Variants in SMYD1 observed in about 807,000 individuals in gnomAD.
The protein encoded by SMYD1 is histone-lysine N-methyltransferase SMYD1.
Under a neutral mutation model 54.0 loss-of-function variants are expected in SMYD1, and 49 were observed. The observed-to-expected ratio is 0.91, with a 90% confidence interval of 0.72 to 1.15. The LOEUF (loss-of-function observed/expected upper bound fraction) is 1.15, where lower values mean the gene tolerates loss of function less well. Among genes scored for constraint, SMYD1 ranks in the 50% most tolerant of loss-of-function variants. SMYD1 has a pLI of 0.00. For synonymous variants in SMYD1, 269 were observed against 234.2 expected (o/e 1.15, Z -1.36); for missense variants, 653 against 639.6 (o/e 1.02, Z -0.23).
chr2:88,088,134 T>G (rs758428376), intron 3 of SMYD1, 59 bp downstream of exon 3: 8 of 1,499,618 alleles, frequency 5.3e-6, no homozygotes, highest in Non-Finnish European at 7.2e-6. Context: ...CCTTCCCTCC[T>G]CCCACTTGGG....
chr2:88,082,637 C>T (rs555962077), intron 1 of SMYD1: 1 of 154,524 alleles, frequency 6.5e-6, no homozygotes, highest in East Asian at 1.9e-4. Flanking sequence ...AACCCAACCT[C>T]CTTCGGCTAC....
Position 88,111,758 on chromosome 2 carries a change from G to T in SMYD1, c.*1246G>T. The T allele has an allele frequency of 3.7e-6, 1 of 271,202 alleles. No individual in the cohort carries two copies. The highest frequency in any genetic ancestry group is 7.1e-6 in the Non-Finnish European group (1 of 140,990). The allele number at this position is 271,202 out of a possible 1,614,324, so 16.8% of individuals were successfully genotyped here. On this transcript the variant is annotated 3_prime_UTR_variant, in exon 10 of 10. Transcript: ENST00000419482. ...TGAGAATCAACCAGTCCCAAGATTA[G>T]CCTGTTATCCTGTTATCTACTGAGA...
intron 1 of SMYD1, among the ~76,000 whole-genome samples, chr2:88,077,011 C>CAAAAAAA (rs112988082): frequency 8.5e-6 from 1 of 117,210 alleles, no homozygotes; most frequent in Non-Finnish European, 1.8e-5. Context: ...GACCCTGTCT[C>CAAAAAAA]AAAAAAAAAA....
chr2:88,091,266 G>A, intron 4 of SMYD1, 124 bp downstream of exon 4: 1 of 1,024,186 alleles, frequency 9.8e-7, no homozygotes, highest in Non-Finnish European at 1.4e-6. Context: ...TAAATGTATA[G>A]CACATAGAAA....
intron 1 of SMYD1, among the ~76,000 whole-genome samples, chr2:88,069,079 A>G (rs988731): frequency 0.75 from 113,520 of 152,088 alleles, 45,519 homozygotes; most frequent in East Asian, 0.99. Context: ...GCCACACTAG[A>G]CTACCAAGCT....
intron 7 of SMYD1, 53 bp from the exon 8 acceptor site, chr2:88,106,272 T>G: frequency 6.3e-7 from 1 of 1,597,188 alleles, no homozygotes; most frequent in Non-Finnish European, 8.6e-7. Context: ...GTATGTGAAT[T>G]AAACGTGTGC....
intron 1 of SMYD1, among the ~76,000 whole-genome samples, chr2:88,073,600 C>T (rs1673994287): frequency 1.3e-5 from 2 of 152,168 alleles, no homozygotes. Context: ...GTATTAAAGA[C>T]AAATTCCTAC....
chr2:88,099,881 C>T (rs1674680981), intron 6 of SMYD1, among the ~76,000 whole-genome samples: 1 of 149,938 alleles, frequency 6.7e-6, no homozygotes, highest in Non-Finnish European at 1.5e-5. Flanking sequence ...TTCATCTGGC[C>T]CTTCCCCCTT....
intron 7 of SMYD1, among the ~76,000 whole-genome samples, chr2:88,103,845 C>A (rs1251031853): frequency 6.6e-6 from 1 of 152,122 alleles, no homozygotes; most frequent in Non-Finnish European, 1.5e-5. Context: ...ATTCAATCTG[C>A]AACAGAAAAC....
At chr2:88,096,551 G>C (rs1558855268) in intron 5 of SMYD1, 44 bp from the exon 6 acceptor site, 1 of 1,535,192 alleles carries the variant, frequency 6.5e-7, no homozygotes, top group Admixed American at 1.8e-5. Context: ...TCCCATTCCA[G>C]TAGGCCTGGA....
chr2:88,106,612 T>C, intron 8 of SMYD1, 124 bp downstream of exon 8: 1 of 991,152 alleles, frequency 1.0e-6, no homozygotes, highest in Non-Finnish European at 1.5e-6. Flanking sequence ...CAGTAATCCA[T>C]CATGGTTCTC....
At chr2:88,076,133 G>A (rs1255038241) in intron 1 of SMYD1, among the ~76,000 whole-genome samples, 3 of 152,182 alleles carry the variant, frequency 2.0e-5, no homozygotes, top group African/African-American at 7.2e-5. Flanking sequence ...CCATGCTTGT[G>A]GAATGTGGGT....
At chr2:88,068,365 T>TA (rs1673876887) in intron 1 of SMYD1, among the ~76,000 whole-genome samples, 2 of 152,176 alleles carry the variant, frequency 1.3e-5, no homozygotes, top group South Asian at 4.1e-4. Context: ...TTATTATAAA[T>TA]ACATTACCAG....
rs1052188557 is a variant in SMYD1 at position 88,079,540 on chromosome 2, G to A, written c.138-4776G>A. 9.8e-5 allele frequency among the ~76,000 whole-genome samples: 15 copies of A among 152,318 alleles called. No individual in the cohort carries two copies. In the East Asian group the frequency reaches 1.5e-3, roughly 16 times the overall value. On this transcript the variant is annotated intron_variant, in intron 1 of 9. Coordinates refer to ENST00000419482, the MANE Select transcript of SMYD1 (RefSeq NM_198274.4). ...CTGCAATAAGGTCACTGAGTAAGGG[G>A]TCTTTGCACAGAATTTAAAAACAAT...
At position 88,112,093 on chromosome 2, in the gene SMYD1, T is replaced by G. The variant is rs1035248868; in HGVS notation, c.*1581T>G. 1.0e-5 allele frequency: 7 copies of G among 703,190 alleles called. No individual in the cohort carries two copies. In the African/African-American group the frequency reaches 1.2e-4, roughly 12 times the overall value. The allele number at this position is 703,190 out of a possible 1,614,324, so 43.6% of individuals were successfully genotyped here. On this transcript the variant is annotated 3_prime_UTR_variant, in exon 10 of 10. Transcript: ENST00000419482. ...TTAGGTCTTGTTTGAAGAATTTCCT[T>G]TCTGGAAGGTTTTACAAGAAGACTG... is the stretch of plus-strand genomic sequence containing the variant.
chr2:88,091,161 G>A lies in SMYD1; in HGVS notation c.659+19G>A, dbSNP rs768457715. The A allele has an allele frequency of 1.2e-6, 2 of 1,610,956 alleles. No homozygotes were observed. The highest frequency in any genetic ancestry group is 1.7e-6 in the Non-Finnish European group (2 of 1,177,738). ...ATGGCAAGTGAGTATGTCTTTATGT[G>A]GGGGTGTGTGTGAAGGGGATGGGGA... On this transcript the variant is annotated intron_variant, in intron 4 of 9. Coordinates refer to ENST00000419482, the MANE Select transcript of SMYD1 (RefSeq NM_198274.4).
At chr2:88,108,673 T>A in intron 9 of SMYD1, 134 bp downstream of exon 9, 1 of 796,462 alleles carries the variant, frequency 1.3e-6, no homozygotes, top group Non-Finnish European at 1.9e-6. Flanking sequence ...CAGAAACGCT[T>A]TAGCCCACTA....
At chr2:88,077,360 G>T (rs1173783542) in intron 1 of SMYD1, among the ~76,000 whole-genome samples, 4 of 152,248 alleles carry the variant, frequency 2.6e-5, no homozygotes, top group African/African-American at 7.2e-5. Context: ...CCTTGTAGCT[G>T]CATCCGCCCG....
chr2:88,077,876 A>C (rs1342557489), intron 1 of SMYD1, among the ~76,000 whole-genome samples: 1 of 151,970 alleles, frequency 6.6e-6, no homozygotes, highest in Non-Finnish European at 1.5e-5. Flanking sequence ...GGTGCCCGCC[A>C]CCACGCCTGG....
Sources: gnomAD v4.1 joint callset for allele counts (sites outside exome capture counted in the v4.1 genomes callset) on GRCh38, gnomAD v4.1.1 for gene constraint, MANE v1.5 for transcripts, NCBI Gene and HGNC (gene_info 2026-07-23, HGNC 2026-07-21) for gene names.